The following EYS variants were observed in gnomAD, a reference collection of about 807,000 sequenced individuals.
EYS encodes the protein protein eyes shut homolog.
In EYS, 250 loss-of-function variants were observed where a neutral mutation model predicts 282.1. The ratio of observed to expected loss-of-function variants is 0.89; its 90% confidence interval spans 0.80 to 0.98. The LOEUF is 0.98. EYS is among the 50% of genes least tolerant of loss of function. EYS has a pLI of 0.00. For missense variants in EYS, 4,016 were observed against 3,709.0 expected (o/e 1.08, Z -2.15); for synonymous variants, 1,355 against 1,282.9 (o/e 1.06, Z -1.20).
rs188509359 is a variant in EYS at position 64,278,250 on chromosome 6, G to A, written c.6191+28720C>T. Among the ~76,000 whole-genome samples, 6 of 152,142 alleles carry A rather than the reference G, an allele frequency of 3.9e-5. No individual in the cohort carries two copies. In the East Asian group the frequency reaches 1.2e-3, roughly 29 times the overall value. On this transcript the variant is annotated intron_variant, in intron 30 of 42. Coordinates refer to ENST00000503581, the MANE Select transcript of EYS (RefSeq NM_001142800.2). The stretch of plus-strand genomic sequence containing the variant: ...CAGAAAGTTTATGTAACTGCTAAAT[G>A]TTCCTTTAATTAATGAATATCATTT...
chr6:64,192,578 G>C (rs1156598255), intron 31 of EYS, among the ~76,000 whole-genome samples: 1 of 152,022 alleles, frequency 6.6e-6, no homozygotes. Flanking sequence ...CAAGCAATGG[G>C]GAAAGGATTC....
intron 8 of EYS, among the ~76,000 whole-genome samples, chr6:65,381,236 G>T (rs943673278): frequency 5.9e-5 from 9 of 151,926 alleles, no homozygotes; most frequent in African/African-American, 2.2e-4. Flanking sequence ...TCAATGATAG[G>T]CTGGATAAAG....
At chr6:65,706,140 A>T (rs898172808) in intron 1 of EYS, among the ~76,000 whole-genome samples, 1 of 151,726 alleles carries the variant, frequency 6.6e-6, no homozygotes, top group Non-Finnish European at 1.5e-5. Flanking sequence ...TAATAATTTT[A>T]GGCAGAATGA....
chr6:64,654,503 A>G (rs1039760961), intron 22 of EYS, among the ~76,000 whole-genome samples: 4 of 152,180 alleles, frequency 2.6e-5, no homozygotes, highest in Admixed American at 6.5e-5. Flanking sequence ...CCCTCTGAGG[A>G]AGTGATTTGC....
At chr6:65,205,006 ATATATTTATATATTC>A (rs1765997880) in intron 12 of EYS, among the ~76,000 whole-genome samples, 1 of 105,770 alleles carries the variant, frequency 9.5e-6, no homozygotes, top group Admixed American at 8.8e-5. Context: ...TTCTAGAAGA[ATATATTTATATATTC>A]TAGAAGAATA....
intron 29 of EYS, among the ~76,000 whole-genome samples, chr6:64,369,500 A>T (rs548884940): frequency 7.2e-5 from 11 of 152,286 alleles, no homozygotes; most frequent in Non-Finnish European, 1.5e-4. Context: ...TACTTTAGGC[A>T]GTATGACCAC....
chr6:64,474,993 G>A (rs1776217810), intron 26 of EYS, among the ~76,000 whole-genome samples: 1 of 152,180 alleles, frequency 6.6e-6, no homozygotes, highest in African/African-American at 2.4e-5. Context: ...TCTTGGCCAT[G>A]AGGCAATGGC....
At chr6:64,498,326 T>C (rs1416018155) in intron 26 of EYS, among the ~76,000 whole-genome samples, 1 of 152,134 alleles carries the variant, frequency 6.6e-6, no homozygotes, top group Non-Finnish European at 1.5e-5. Flanking sequence ...AGCTAATAGG[T>C]CCTGAAAACA....
At chr6:65,618,984 T>G (rs1430066443) in intron 2 of EYS, among the ~76,000 whole-genome samples, 1 of 152,152 alleles carries the variant, frequency 6.6e-6, no homozygotes, top group Non-Finnish European at 1.5e-5. Context: ...AGTCAGGTAG[T>G]GTGATGCCTC....
intron 31 of EYS, among the ~76,000 whole-genome samples, chr6:64,196,172 T>C (rs1765282311): frequency 1.3e-5 from 2 of 152,116 alleles, no homozygotes; most frequent in South Asian, 4.2e-4. Flanking sequence ...ATCAGAGAAA[T>C]GCAAATCAAA....
intron 12 of EYS, among the ~76,000 whole-genome samples, chr6:65,086,590 T>C (rs992081728): frequency 1.3e-5 from 2 of 152,180 alleles, no homozygotes; most frequent in Non-Finnish European, 2.9e-5. Context: ...TGAATTGTTT[T>C]AAACTGAAGA....
intron 30 of EYS, among the ~76,000 whole-genome samples, chr6:64,303,593 A>T (rs958147543): frequency 6.6e-6 from 1 of 152,112 alleles, no homozygotes; most frequent in Non-Finnish European, 1.5e-5. Flanking sequence ...CTGTAATCCC[A>T]GCACTTTGGG....
At chr6:65,505,400 A>G (rs1766620996) in intron 2 of EYS, among the ~76,000 whole-genome samples, 2 of 151,484 alleles carry the variant, frequency 1.3e-5, no homozygotes, top group South Asian at 4.2e-4. Context: ...TCTATTTTTA[A>G]TCTTACTGAG....
chr6:65,401,937 T>G (rs1031530162), intron 7 of EYS, among the ~76,000 whole-genome samples: 3 of 151,938 alleles, frequency 2.0e-5, no homozygotes, highest in African/African-American at 4.8e-5. Flanking sequence ...TATTTAAAAT[T>G]GACTAAATTA....
At chr6:65,474,580 AGTAT>A (rs1391176592) in intron 5 of EYS, among the ~76,000 whole-genome samples, 1 of 152,138 alleles carries the variant, frequency 6.6e-6, no homozygotes, top group African/African-American at 2.4e-5. Flanking sequence ...GTAGAAAGTC[AGTAT>A]GTAAATCTTC....
chr6:64,098,639 C>G (rs374325116), intron 31 of EYS, among the ~76,000 whole-genome samples: 1 of 147,490 alleles, frequency 6.8e-6, no homozygotes, highest in Non-Finnish European at 1.5e-5. Context: ...CTTGCTCTGT[C>G]GCCCAGGCTG....
intron 33 of EYS, among the ~76,000 whole-genome samples, chr6:64,050,456 T>C (rs941954215): frequency 6.6e-6 from 1 of 152,218 alleles, no homozygotes; most frequent in Admixed American, 6.5e-5. Context: ...TGACTCATAG[T>C]AGACTCCTAA....
rs144207427 is a variant in EYS, at chr6:63,768,451, T to A, written c.7899-5818A>T. ...GACACTTCTCAAAAGAAGACATACA[T>A]GAAATCAACAAATAGATTAAGTAAT... On this transcript the variant is annotated intron_variant, in intron 40 of 42. Coordinates refer to ENST00000503581, the MANE Select transcript of EYS (RefSeq NM_001142800.2). 7.5e-3 allele frequency among the ~76,000 whole-genome samples: 1,140 copies of A among 152,008 alleles called. 19 individuals are homozygous for A. The highest frequency in any genetic ancestry group is 0.026 in the African/African-American group (1,071 of 41,470).
chr6:63,744,110 A>G (rs1284949194), intron 41 of EYS: 1 of 152,202 alleles, frequency 6.6e-6, no homozygotes, highest in Non-Finnish European at 1.5e-5. Flanking sequence ...TTATGAATAT[A>G]TTTTAGTGGC....
Sources: allele counts gnomAD v4.1 joint callset (sites outside exome capture counted in the v4.1 genomes callset), GRCh38; gene constraint gnomAD v4.1.1; transcripts MANE v1.5; gene names NCBI Gene and HGNC (gene_info 2026-07-23, HGNC 2026-07-21).